SLC30A4: variants seen among roughly 807,000 people sequenced by gnomAD.
SLC30A4 encodes probable proton-coupled zinc antiporter SLC30A4.
SLC30A4 carries 20 observed loss-of-function variants against 41.7 expected under a neutral mutation model. That is an observed-to-expected ratio of 0.48 (90% confidence interval 0.34 to 0.70). The LOEUF (loss-of-function observed/expected upper bound fraction) is 0.70. SLC30A4 is among the 30% of genes least tolerant of loss of function. The probability of loss-of-function intolerance (pLI) is 0.01; values close to 1 mark genes in which losing one functional copy is unlikely to be tolerated. For missense variants in SLC30A4, 441 were observed against 529.3 expected (o/e 0.83, Z 1.64); for synonymous variants, 181 against 195.9 (o/e 0.92, Z 0.64).
Position 45,486,638 on chromosome 15 carries a change from A to T in SLC30A4, c.1108T>A (p.Ser370Thr). 6.2e-7 allele frequency: 1 copy of T among 1,604,826 alleles called. No individual in the cohort carries two copies. The highest frequency in any genetic ancestry group is 8.5e-7 in the Non-Finnish European group (1 of 1,177,006). Residue 370 changes from serine to threonine, a missense_variant, in exon 7 of 8, where the codon TCT becomes ACT. Physicochemically the swap from Ser to Thr is moderately conservative, Grantham distance 58. Around this residue, in one of 3 missense-constraint regions of SLC30A4, gnomAD observed 100 missense variants for 121.0 expected, o/e 0.83. Transcript: ENST00000261867. ...LNIWSLTSGK[S>T]TAIVHIQLIP... ...AGCTGTATGTGAACTATGGCAGTAG[A>T]TTTTCCTGAAGTGAGAGACCAGATA...
chr15:45,511,015 A>G (rs905575369), intron 3 of SLC30A4, 123 bp downstream of exon 3: 4 of 738,658 alleles, frequency 5.4e-6, no homozygotes, highest in Non-Finnish European at 8.8e-6. Flanking sequence ...AATTTTGTTT[A>G]TCTATTTTCA....
At chr15:45,503,589 C>G (rs1008282993) in intron 3 of SLC30A4, among the ~76,000 whole-genome samples, 1 of 151,494 alleles carries the variant, frequency 6.6e-6, no homozygotes, top group African/African-American at 2.4e-5. Context: ...GCACTCCAGC[C>G]TGGGTGACAG....
intron 2 of SLC30A4, among the ~76,000 whole-genome samples, chr15:45,517,442 C>T (rs1892518382): frequency 6.7e-6 from 1 of 149,992 alleles, no homozygotes. Flanking sequence ...CAACCTCCGC[C>T]TCCTAGGTTC....
At chr15:45,506,077 C>T (rs1257255189) in intron 3 of SLC30A4, among the ~76,000 whole-genome samples, 1 of 151,924 alleles carries the variant, frequency 6.6e-6, no homozygotes, top group Admixed American at 6.6e-5. Flanking sequence ...CATGGTGGTG[C>T]ATGCCTGTGG....
chr15:45,514,578 A>C (rs1892408460), intron 2 of SLC30A4, among the ~76,000 whole-genome samples: 2 of 142,914 alleles, frequency 1.4e-5, no homozygotes, highest in Non-Finnish European at 3.0e-5. Context: ...ACAGTGGTGC[A>C]ATCTCAGCTC....
chr15:45,498,614 G>C (rs1244929910), intron 3 of SLC30A4, among the ~76,000 whole-genome samples: 2 of 152,028 alleles, frequency 1.3e-5, no homozygotes, highest in Admixed American at 6.6e-5. Flanking sequence ...ACACACCCAA[G>C]ATGCCTACTA....
intron 2 of SLC30A4, among the ~76,000 whole-genome samples, chr15:45,514,814 C>T (rs965358926): frequency 6.6e-6 from 1 of 152,054 alleles, no homozygotes; most frequent in Admixed American, 6.5e-5. Flanking sequence ...CGTGCCTGGC[C>T]TCTAAATTGT....
intron 2 of SLC30A4, chr15:45,520,931 C>A: frequency 2.4e-6 from 1 of 408,620 alleles, no homozygotes. Context: ...CCACTTTGAA[C>A]GCCTTAGAGG....
At chr15:45,508,354 G>A (rs1481661526) in intron 3 of SLC30A4, among the ~76,000 whole-genome samples, 6 of 152,154 alleles carry the variant, frequency 3.9e-5, no homozygotes, top group Non-Finnish European at 8.8e-5. Context: ...AGTGTAGGCT[G>A]CCTGAGTAGA....
At chr15:45,501,497 A>G (rs183327252) in intron 3 of SLC30A4, among the ~76,000 whole-genome samples, 85 of 152,048 alleles carry the variant, frequency 5.6e-4, no homozygotes, top group African/African-American at 1.9e-3. Flanking sequence ...TGAATACGCA[A>G]ATTTATGTTT....
At position 45,517,252 on chromosome 15, in the gene SLC30A4, C is replaced by T. The variant is rs116140160; in HGVS notation, c.391+4712G>A. The stretch of plus-strand genomic sequence containing the variant: ...CTCTAGGTAATTTTACCTATTCCTA[C>T]GGCATTATATACACTCATCTCTCTC... On this transcript the variant is annotated intron_variant, in intron 2 of 7. Transcript: ENST00000261867. Among the ~76,000 whole-genome samples the T allele has an allele frequency of 4.0e-3, 587 of 147,390 alleles. 5 individuals are homozygous for T. Among genetic ancestry groups the T allele is most frequent in the African/African-American group, 0.015 (555 of 37,294 alleles).
intron 5 of SLC30A4, 25 bp downstream of exon 5, chr15:45,488,816 A>T: frequency 6.3e-7 from 1 of 1,588,640 alleles, no homozygotes; most frequent in Non-Finnish European, 8.6e-7. Context: ...ACATTTTAAA[A>T]TAGAAAAATT....
chr15:45,485,588 G>A (rs542224755), intron 7 of SLC30A4, among the ~76,000 whole-genome samples: 1 of 152,170 alleles, frequency 6.6e-6, no homozygotes, highest in East Asian at 1.9e-4. Context: ...CACATTAAAA[G>A]TAAACCTCAT....
At chr15:45,494,060 C>T (rs1891861783) in intron 3 of SLC30A4, among the ~76,000 whole-genome samples, 1 of 151,956 alleles carries the variant, frequency 6.6e-6, no homozygotes, top group Admixed American at 6.6e-5. Context: ...ATATTAAGTA[C>T]AGACTATACA....
intron 7 of SLC30A4, among the ~76,000 whole-genome samples, chr15:45,485,979 A>G (rs1318606779): frequency 6.6e-6 from 1 of 151,854 alleles, no homozygotes. Flanking sequence ...TTGGCCTCCC[A>G]AAGTGTTGGG....
chr15:45,510,828 G>A (rs555436555), intron 3 of SLC30A4, among the ~76,000 whole-genome samples: 2 of 152,300 alleles, frequency 1.3e-5, no homozygotes, highest in East Asian at 3.9e-4. Flanking sequence ...GCTCATTAAC[G>A]GGTTAAACCC....
intron 2 of SLC30A4, among the ~76,000 whole-genome samples, chr15:45,514,196 T>C (rs1315889723): frequency 2.0e-5 from 3 of 151,590 alleles, no homozygotes; most frequent in Non-Finnish European, 4.4e-5. Context: ...AAATACAAAA[T>C]TAGTTGGGCA....
chr15:45,507,457 T>C (rs991058259), intron 3 of SLC30A4, among the ~76,000 whole-genome samples: 5 of 151,524 alleles, frequency 3.3e-5, no homozygotes, highest in Admixed American at 1.3e-4. Flanking sequence ...ATTAATAAGA[T>C]AATTTAAAAA....
chr15:45,485,091 A>C lies in SLC30A4; in HGVS notation c.*72T>G. 8.2e-7 allele frequency: 1 copy of C among 1,214,028 alleles called. No homozygotes were observed. The highest frequency in any genetic ancestry group is 1.2e-6 in the Non-Finnish European group (1 of 848,504). 75.2% of individuals were successfully genotyped at this position (1,214,028 alleles called of 1,614,324 possible). A position where few individuals can be genotyped will look rare whatever the true frequency, so the allele number is the denominator to read the frequency against. The stretch of plus-strand genomic sequence containing the variant: ...TGTCAGGGATTCCATTTTCTCATTT[A>C]GGTTTGCATTTATTGCTCTCAAGTC... On this transcript the variant is annotated 3_prime_UTR_variant, in exon 8 of 8. Coordinates refer to ENST00000261867, the MANE Select transcript of SLC30A4 (RefSeq NM_013309.6).
Sources: gnomAD v4.1 joint callset for allele counts (sites outside exome capture counted in the v4.1 genomes callset) on GRCh38, gnomAD v4.1.1 for gene constraint, gnomAD v4.1.1 regional missense constraint, MANE v1.5 for transcripts, NCBI Gene and HGNC (gene_info 2026-07-23, HGNC 2026-07-21) for gene names.